GALNTL6: variants seen among roughly 807,000 people sequenced by gnomAD.
GALNTL6 encodes polypeptide N-acetylgalactosaminyltransferase like 6.
A neutral mutation model predicts 73.7 loss-of-function variants in GALNTL6; 46 were observed. That is an observed-to-expected ratio of 0.62 (90% CI 0.49 to 0.80). The LOEUF (loss-of-function observed/expected upper bound fraction) is 0.80. Among genes scored for constraint, GALNTL6 ranks in the 30% least tolerant of loss-of-function variants. The pLI, the probability that GALNTL6 is intolerant of heterozygous loss-of-function variation, is 0.00. For synonymous variants in GALNTL6, 259 were observed against 263.7 expected, an observed-to-expected ratio of 0.98 and a Z score of 0.17; for missense variants, 604 against 755.0, an observed-to-expected ratio of 0.80 and a Z score of 2.34.
intron 5 of GALNTL6, among the ~76,000 whole-genome samples, chr4:172,370,610 G>T (rs560802716): frequency 8.1e-6 from 1 of 122,864 alleles, no homozygotes; most frequent in Admixed American, 1.0e-4. Flanking sequence ...CAGCGTGGGC[G>T]ACAGAGTGAG....
intron 2 of GALNTL6, among the ~76,000 whole-genome samples, chr4:172,163,137 A>T (rs1734524029): frequency 1.3e-5 from 2 of 152,028 alleles, no homozygotes; most frequent in African/African-American, 4.8e-5. Context: ...TTTCATATAC[A>T]TTTCAGGATT....
chr4:172,396,290 C>T (rs924738636), intron 5 of GALNTL6, among the ~76,000 whole-genome samples: 3 of 147,352 alleles, frequency 2.0e-5, no homozygotes, highest in Non-Finnish European at 4.5e-5. Flanking sequence ...GCGTGCGTAA[C>T]TGCAATTACT....
chr4:172,955,485 T>C (rs1749670449), intron 10 of GALNTL6, among the ~76,000 whole-genome samples: 1 of 151,880 alleles, frequency 6.6e-6, no homozygotes, highest in African/African-American at 2.4e-5. Flanking sequence ...TAAAAAATTA[T>C]TAAAAGTGCA....
At chr4:172,283,360 T>C (rs963084429) in intron 3 of GALNTL6, among the ~76,000 whole-genome samples, 3 of 152,222 alleles carry the variant, frequency 2.0e-5, no homozygotes, top group African/African-American at 4.8e-5. Flanking sequence ...GATGTACTAA[T>C]AATAGGTTTA....
intron 5 of GALNTL6, among the ~76,000 whole-genome samples, chr4:172,482,602 T>G (rs1270415287): frequency 6.6e-6 from 1 of 152,238 alleles, no homozygotes; most frequent in Non-Finnish European, 1.5e-5. Flanking sequence ...TACTCTAAGA[T>G]ATTCTAGAAA....
intron 5 of GALNTL6, among the ~76,000 whole-genome samples, chr4:172,522,106 G>GA (rs1734793504): frequency 6.6e-6 from 1 of 151,830 alleles, no homozygotes; most frequent in African/African-American, 2.4e-5. Context: ...AGGCTTTTAA[G>GA]AAAAAAATAT....
intron 2 of GALNTL6, among the ~76,000 whole-genome samples, chr4:171,949,933 A>G (rs1738821645): frequency 1.3e-5 from 2 of 152,178 alleles, no homozygotes; most frequent in South Asian, 4.1e-4. Flanking sequence ...TAAAAGAGAT[A>G]AGTGATGAAA....
intron 2 of GALNTL6, among the ~76,000 whole-genome samples, chr4:172,085,085 A>C (rs115099562): frequency 0.018 from 2,734 of 152,278 alleles, 71 homozygotes; most frequent in African/African-American, 0.059. Flanking sequence ...AAAATAATAC[A>C]TATAAATAGC....
intron 5 of GALNTL6, among the ~76,000 whole-genome samples, chr4:172,635,203 G>A (rs1000507825): frequency 2.6e-5 from 4 of 152,010 alleles, no homozygotes; most frequent in African/African-American, 9.7e-5. Flanking sequence ...AAATATCTTG[G>A]ATGTTTGAGT....
intron 2 of GALNTL6, among the ~76,000 whole-genome samples, chr4:172,001,120 T>C (rs943946982): frequency 5.9e-5 from 9 of 152,292 alleles, no homozygotes; most frequent in East Asian, 1.9e-4. Context: ...TAATTAGTGA[T>C]GTATAAAGAA....
intron 2 of GALNTL6, among the ~76,000 whole-genome samples, chr4:171,951,764 A>G (rs1054655097): frequency 6.6e-6 from 1 of 152,060 alleles, no homozygotes; most frequent in African/African-American, 2.4e-5. Context: ...CTTTTGAATT[A>G]CTACGGAATC....
At chr4:172,597,448 A>G (rs1295776791) in intron 5 of GALNTL6, among the ~76,000 whole-genome samples, 1 of 152,170 alleles carries the variant, frequency 6.6e-6, no homozygotes, top group African/African-American at 2.4e-5. Context: ...GTTAGGAAAT[A>G]CTTCAGGCTC....
At chr4:172,047,342 G>A (rs77380754) in intron 2 of GALNTL6, among the ~76,000 whole-genome samples, 9,565 of 152,128 alleles carry the variant, frequency 0.063, 340 homozygotes, top group Non-Finnish European at 0.087. Context: ...AGGTTCTGGA[G>A]CCTAGGGCAT....
chr4:172,494,022 T>C (rs1464976740), intron 5 of GALNTL6, among the ~76,000 whole-genome samples: 1 of 152,186 alleles, frequency 6.6e-6, no homozygotes, highest in Non-Finnish European at 1.5e-5. Flanking sequence ...CCTATATATT[T>C]TACCTGTACA....
chr4:171,849,023 C>T (rs1356940060), intron 2 of GALNTL6, among the ~76,000 whole-genome samples: 7 of 152,040 alleles, frequency 4.6e-5, no homozygotes, highest in African/African-American at 1.2e-4. Context: ...CTGTGACCAT[C>T]GCCTGAATAG....
chr4:172,917,812 T>G (rs946828588), intron 8 of GALNTL6, among the ~76,000 whole-genome samples: 8 of 152,206 alleles, frequency 5.3e-5, no homozygotes, highest in Non-Finnish European at 8.8e-5. Context: ...GACTGTAAAC[T>G]AGTTCAACCA....
intron 5 of GALNTL6, among the ~76,000 whole-genome samples, chr4:172,759,992 G>A (rs1035314593): frequency 9.3e-5 from 14 of 150,400 alleles, no homozygotes; most frequent in African/African-American, 2.7e-4. Flanking sequence ...GCCCGCCACC[G>A]CGCCCGGCTA....
intron 5 of GALNTL6, among the ~76,000 whole-genome samples, chr4:172,348,959 T>C (rs917216673): frequency 1.3e-5 from 2 of 152,216 alleles, no homozygotes; most frequent in African/African-American, 4.8e-5. Context: ...AATTCTACTT[T>C]CAGCTTCAGG....
chr4:172,366,047 A>G (rs1742547715), intron 5 of GALNTL6, among the ~76,000 whole-genome samples: 1 of 152,214 alleles, frequency 6.6e-6, no homozygotes, highest in African/African-American at 2.4e-5. Flanking sequence ...TGGTTCTTAT[A>G]GCTTGTGAGA....
Sources: allele counts gnomAD v4.1 joint callset (sites outside exome capture counted in the v4.1 genomes callset), GRCh38; gene constraint gnomAD v4.1.1; transcripts MANE v1.5; gene names NCBI Gene and HGNC (gene_info 2026-07-23, HGNC 2026-07-21).